The following JAZF1 variants were observed in gnomAD, a reference collection of about 807,000 sequenced individuals.
JAZF1 encodes JAZF zinc finger 1.
In JAZF1, 8 loss-of-function variants were observed where a neutral mutation model predicts 26.4. The ratio of observed to expected loss-of-function variants is 0.30; its 90% CI spans 0.18 to 0.55. The LOEUF (loss-of-function observed/expected upper bound fraction) is 0.55, where lower values mean the gene tolerates loss of function less well. Ranked by LOEUF, JAZF1 falls within the 20% of genes least tolerant of loss-of-function variation. The pLI is 0.94. For synonymous variants in JAZF1, 126 were observed against 122.3 expected (o/e 1.03, Z -0.20); for missense variants, 199 against 322.0 (o/e 0.62, Z 2.92).
intron 2 of JAZF1, among the ~76,000 whole-genome samples, chr7:27,939,245 G>A (rs534814881): frequency 6.6e-6 from 1 of 152,258 alleles, no homozygotes; most frequent in South Asian, 2.1e-4. Context: ...CAAAACTCCT[G>A]GGAGAAAAAA....
intron 2 of JAZF1, among the ~76,000 whole-genome samples, chr7:27,897,148 T>A (rs911957463): frequency 1.3e-5 from 2 of 152,172 alleles, no homozygotes; most frequent in Non-Finnish European, 2.9e-5. Context: ...CACTGGGGTA[T>A]GCAGTGCGCC....
chr7:27,929,299 G>A (rs1228648366), intron 2 of JAZF1, among the ~76,000 whole-genome samples: 4 of 152,184 alleles, frequency 2.6e-5, no homozygotes, highest in Non-Finnish European at 5.9e-5. Context: ...ACAGCATATC[G>A]GGTGCTGTGG....
At chr7:27,960,721 G>A (rs373514563) in intron 2 of JAZF1, among the ~76,000 whole-genome samples, 2 of 152,296 alleles carry the variant, frequency 1.3e-5, no homozygotes, top group African/African-American at 4.8e-5. Context: ...AAACCTGGAG[G>A]AACAAAGCCT....
At chr7:28,093,742 C>T (rs533192999) in intron 1 of JAZF1, among the ~76,000 whole-genome samples, 2 of 152,310 alleles carry the variant, frequency 1.3e-5, no homozygotes, top group South Asian at 2.1e-4. Flanking sequence ...CACTTCTCAC[C>T]GAGCTTTGGG....
chr7:27,900,696 G>A (rs1037525659), intron 2 of JAZF1, among the ~76,000 whole-genome samples: 3 of 152,138 alleles, frequency 2.0e-5, no homozygotes, highest in Admixed American at 6.6e-5. Flanking sequence ...GAATGAATAA[G>A]AAAGTCTTCT....
At chr7:28,049,521 A>G (rs1783575505) in intron 1 of JAZF1, among the ~76,000 whole-genome samples, 2 of 152,258 alleles carry the variant, frequency 1.3e-5, no homozygotes, top group East Asian at 3.9e-4. Context: ...ATTCAATTCA[A>G]TTATGACACT....
chr7:27,850,952 T>C (rs1315237580), intron 3 of JAZF1, among the ~76,000 whole-genome samples: 1 of 152,224 alleles, frequency 6.6e-6, no homozygotes, highest in Non-Finnish European at 1.5e-5. Flanking sequence ...TAAAATAATT[T>C]TTTTTTTGAG....
chr7:27,876,877 A>G (rs1028701312), intron 3 of JAZF1, among the ~76,000 whole-genome samples: 7 of 152,138 alleles, frequency 4.6e-5, no homozygotes, highest in Admixed American at 3.9e-4. Flanking sequence ...TGAGCGCTCT[A>G]TACTTGAATG....
At chr7:28,105,036 T>G (rs73302962) in intron 1 of JAZF1, among the ~76,000 whole-genome samples, 3,595 of 152,244 alleles carry the variant, frequency 0.024, 133 homozygotes, top group African/African-American at 0.083. Context: ...GATCTTCATC[T>G]GGAAACCAAG....
chr7:27,928,793 G>A (rs111561913), intron 2 of JAZF1, among the ~76,000 whole-genome samples: 14 of 152,320 alleles, frequency 9.2e-5, no homozygotes, highest in African/African-American at 2.9e-4. Context: ...GTCAGAGGGC[G>A]GAGGGTGGAA....
intron 1 of JAZF1, among the ~76,000 whole-genome samples, chr7:28,066,133 T>C (rs1783877698): frequency 6.6e-6 from 1 of 152,138 alleles, no homozygotes; most frequent in African/African-American, 2.4e-5. Context: ...GCTAAGCTCA[T>C]TACAGAAGTG....
At chr7:28,159,756 CT>C (rs2127951269) in intron 1 of JAZF1, among the ~76,000 whole-genome samples, 1 of 152,216 alleles carries the variant, frequency 6.6e-6, no homozygotes, top group East Asian at 1.9e-4. Context: ...TCAGTTTTAC[CT>C]AGTAAAGTTC....
rs75940382 is a variant in JAZF1 at position 27,831,097 on chromosome 7, C to T, written c.*1703G>A. On this transcript the variant is annotated 3_prime_UTR_variant, in exon 5 of 5. Coordinates refer to ENST00000283928, the MANE Select transcript of JAZF1 (RefSeq NM_175061.4). ...CTCATGTCTGGATCACCCTTTTAAACATAGGATAACACTGTATATTCAGGA... is the reference window on the plus strand; with the variant it reads ...CTCATGTCTGGATCACCCTTTTAAATATAGGATAACACTGTATATTCAGGA... 6.0e-3 allele frequency: 1,347 copies of T among 223,296 alleles called. 8 individuals are homozygous for T. The highest frequency in any genetic ancestry group is 9.2e-3 in the Non-Finnish European group (1,028 of 111,566). The allele number at this position is 223,296 out of a possible 1,614,324, so 13.8% of individuals were successfully genotyped here.
At chr7:27,918,501 C>T (rs1784479588) in intron 2 of JAZF1, among the ~76,000 whole-genome samples, 3 of 152,126 alleles carry the variant, frequency 2.0e-5, no homozygotes, top group African/African-American at 7.2e-5. Context: ...ATCTTTGTAC[C>T]ATCTTGAGCA....
intron 1 of JAZF1, among the ~76,000 whole-genome samples, chr7:28,106,132 A>G (rs982800131): frequency 1.3e-5 from 2 of 152,216 alleles, no homozygotes; most frequent in Non-Finnish European, 2.9e-5. Flanking sequence ...AAAATGCTTT[A>G]TTTATGATAG....
At chr7:28,074,251 T>C (rs1784019648) in intron 1 of JAZF1, among the ~76,000 whole-genome samples, 1 of 152,230 alleles carries the variant, frequency 6.6e-6, no homozygotes, top group Non-Finnish European at 1.5e-5. Context: ...TTGAGGTCAC[T>C]GGAAGAGGCT....
chr7:28,013,840 G>A (rs1029672748), intron 1 of JAZF1, among the ~76,000 whole-genome samples: 1 of 152,110 alleles, frequency 6.6e-6, no homozygotes, highest in Admixed American at 6.5e-5. Context: ...CATGGCTTAA[G>A]TATATGAATT....
chr7:28,106,377 C>T (rs1403376356), intron 1 of JAZF1, among the ~76,000 whole-genome samples: 1 of 152,192 alleles, frequency 6.6e-6, no homozygotes, highest in African/African-American at 2.4e-5. Flanking sequence ...CAGACATGCA[C>T]CTGGCTTGCT....
In JAZF1 at chr7:28,004,774, T is replaced by TC. The variant is rs149050100; in HGVS notation, c.116-12794dup. Reference sequence around the variant, plus strand: ...TTCAAGTGATTCTCGTGCCTTGGTCTCCCAAGTAGCTGGGATTACAGGTGT... The same window carrying TC: ...TTCAAGTGATTCTCGTGCCTTGGTCTCCCCAAGTAGCTGGGATTACAGGTGT... On this transcript the variant is annotated intron_variant, in intron 1 of 4. Coordinates refer to ENST00000283928, the MANE Select transcript of JAZF1 (RefSeq NM_175061.4). Among the ~76,000 whole-genome samples the TC allele has an allele frequency of 5.2e-3, 791 of 152,282 alleles. 4 individuals carry two copies. The highest frequency in any genetic ancestry group is 0.014 in the Middle Eastern group (4 of 294).
Sources: allele counts gnomAD v4.1 joint callset (sites outside exome capture counted in the v4.1 genomes callset), GRCh38; gene constraint gnomAD v4.1.1; transcripts MANE v1.5; gene names NCBI Gene and HGNC (gene_info 2026-07-23, HGNC 2026-07-21).